The following FSCN1 variants were observed in gnomAD, a reference collection of about 807,000 sequenced individuals.
The protein encoded by FSCN1 is fascin actin-bundling protein 1.
A neutral mutation model predicts 39.7 loss-of-function variants in FSCN1; 10 were observed. The observed-to-expected ratio is 0.25, with a 90% CI of 0.16 to 0.43. The LOEUF (loss-of-function observed/expected upper bound fraction) is 0.43, where lower values mean the gene tolerates loss of function less well. Ranked by LOEUF, FSCN1 falls within the 20% of genes least tolerant of loss-of-function variation. FSCN1 has a pLI of 1.00. For synonymous variants in FSCN1, 322 were observed against 320.0 expected (o/e 1.01, Z -0.07); for missense variants, 525 against 723.8 (o/e 0.73, Z 3.15).
Position 5,605,651 on chromosome 7 carries a change from C to T in FSCN1, c.*177C>T. The stretch of plus-strand genomic sequence containing the variant: ...TCGCCCCTATGGACTCCCCACTCTC[C>T]CCTCCGCCCGGGTTCCCTACTCCCC... On this transcript the variant is annotated 3_prime_UTR_variant, in exon 5 of 5. Coordinates refer to ENST00000382361, the MANE Select transcript of FSCN1 (RefSeq NM_003088.4). The surrounding 1 kb of genome is among the most constrained non-coding windows in gnomAD (Gnocchi z 6.9). 1.7e-6 allele frequency: 1 copy of T among 593,366 alleles called. No homozygotes were observed. The allele number at this position is 593,366 out of a possible 1,614,324, so 36.8% of individuals were successfully genotyped here. A position where few individuals can be genotyped will look rare whatever the true frequency, so the allele number is the denominator to read the frequency against.
intron 1 of FSCN1, among the ~76,000 whole-genome samples, chr7:5,598,319 T>C (rs2128549259): frequency 6.6e-6 from 1 of 152,274 alleles, no homozygotes; most frequent in East Asian, 1.9e-4. Context: ...GACTGAGTCG[T>C]GGTACAGATG....
Position 5,592,931 on chromosome 7 carries a change from G to A in FSCN1, c.-6G>A, listed in dbSNP as rs1279119287. On this transcript the variant is annotated 5_prime_UTR_variant, in exon 1 of 5. Transcript: ENST00000382361. The surrounding 1 kb of genome is among the most constrained non-coding windows in gnomAD (Gnocchi z 5.3). ...GCCGCGCAGCGGCCTCTCGTCTACTGCCACCATGACCGCCAACGGCACAGC... is the reference window on the plus strand; with the variant it reads ...GCCGCGCAGCGGCCTCTCGTCTACTACCACCATGACCGCCAACGGCACAGC... 5 of 1,501,544 alleles carry A rather than the reference G, an allele frequency of 3.3e-6. No homozygotes were observed. Among genetic ancestry groups the A allele is most frequent in the African/African-American group, 2.8e-5 (2 of 71,096 alleles). The allele number at this position is 1,501,544 out of a possible 1,614,324, so 93.0% of individuals were successfully genotyped here. A position where few individuals can be genotyped will look rare whatever the true frequency, so the allele number is the denominator to read the frequency against.
chr7:5,604,626 G>GTTCTAGGACCCTTGTT (rs1785899596), intron 4 of FSCN1, among the ~76,000 whole-genome samples: 1 of 151,464 alleles, frequency 6.6e-6, no homozygotes, highest in African/African-American at 2.4e-5. Flanking sequence ...GCACCACCAC[G>GTTCTAGGACCCTTGTT]CCTGGCTAAT....
In FSCN1 at chr7:5,603,490, C is replaced by A. The variant is rs1785872220; in HGVS notation, c.990-6C>A. On this transcript the variant is annotated splice_polypyrimidine_tract_variant and splice_region_variant and intron_variant, in intron 2 of 4. Coordinates refer to ENST00000382361, the MANE Select transcript of FSCN1 (RefSeq NM_003088.4). The surrounding 1 kb of genome is among the most constrained non-coding windows in gnomAD (Gnocchi z 8.5). ...CCCCGCCTGACCCTGTCCCGCCATC[C>A]CCCAGGAATGCCAGCTGCTACTTTG... The A allele has an allele frequency of 1.2e-6, 2 of 1,614,034 alleles. No homozygotes were observed. The highest frequency in any genetic ancestry group is 2.7e-5 in the African/African-American group (2 of 74,942).
Position 5,592,830 on chromosome 7 carries a change from A to AGGGTGCGTGCGGGCCGCGGC in FSCN1, c.-106_-87dup, listed in dbSNP as rs1169874786. The AGGGTGCGTGCGGGCCGCGGC allele has an allele frequency of 4.7e-6, 3 of 642,382 alleles. No homozygotes were observed. The highest frequency in any genetic ancestry group is 7.8e-6 in the Non-Finnish European group (3 of 382,444). 39.8% of individuals were successfully genotyped at this position (642,382 alleles called of 1,614,324 possible). A position where few individuals can be genotyped will look rare whatever the true frequency, so the allele number is the denominator to read the frequency against. ...AGCTGGGCTTTGTGGAGCGCTGCGG[A>AGGGTGCGTGCGGGCCGCGGC]GGGTGCGTGCGGGCCGCGGCAGCCG... On this transcript the variant is annotated 5_prime_UTR_variant, in exon 1 of 5. Transcript: ENST00000382361. The surrounding 1 kb of genome is among the most constrained non-coding windows in gnomAD (Gnocchi z 5.3).
intron 1 of FSCN1, chr7:5,594,047 C>G (rs1377461491): frequency 1.5e-5 from 5 of 329,366 alleles, no homozygotes; most frequent in East Asian, 5.3e-5. Context: ...CCCTCCTAAC[C>G]CCCCCCCCCG....
chr7:5,605,222 G>C lies in FSCN1; in HGVS notation c.1280-50G>C. On this transcript the variant is annotated intron_variant, in intron 4 of 4. Coordinates refer to ENST00000382361, the MANE Select transcript of FSCN1 (RefSeq NM_003088.4). The surrounding 1 kb of genome is among the most constrained non-coding windows in gnomAD (Gnocchi z 6.9). ...TGCCCACCCTCCGCTGCCCAGGGTA[G>C]GGGTGGGGAGCCAGGCTTTGGGCCC... 7.1e-7 allele frequency: 1 copy of C among 1,410,596 alleles called. No homozygotes were observed. Among genetic ancestry groups the C allele is most frequent in the Non-Finnish European group, 1.0e-6 (1 of 999,290 alleles). 87.4% of individuals were successfully genotyped at this position (1,410,596 alleles called of 1,614,324 possible).
chr7:5,594,045 A>ACCCCCCCCCCCCCCCCCC (rs758470979), intron 1 of FSCN1: 2 of 262,496 alleles, frequency 7.6e-6, no homozygotes, highest in Non-Finnish European at 1.3e-5. Flanking sequence ...CACCCTCCTA[A>ACCCCCCCCCCCCCCCCCC]CCCCCCCCCC....
intron 1 of FSCN1, among the ~76,000 whole-genome samples, chr7:5,598,146 G>A (rs966227361): frequency 1.3e-5 from 2 of 152,194 alleles, no homozygotes; most frequent in African/African-American, 2.4e-5. Flanking sequence ...ACATCCTGGC[G>A]GAGCGGAGAG....
chr7:5,598,059 G>A (rs1336711999), intron 1 of FSCN1, among the ~76,000 whole-genome samples: 2 of 152,216 alleles, frequency 1.3e-5, no homozygotes, highest in Non-Finnish European at 2.9e-5. Context: ...CTGGGGGGAC[G>A]ACACCCCTTT....
At chr7:5,604,147 C>G in intron 4 of FSCN1, 117 bp downstream of exon 4, 1 of 940,720 alleles carries the variant, frequency 1.1e-6, no homozygotes, top group African/African-American at 1.6e-5. Flanking sequence ...CAGGGCCATT[C>G]CAGGCCCTAA....
chr7:5,593,737 G>A lies in FSCN1; in HGVS notation c.801G>A (p.Ala267=). The A allele has an allele frequency of 1.3e-6, 2 of 1,590,250 alleles. No individual in the cohort carries two copies. The highest frequency in any genetic ancestry group is 1.3e-5 in the African/African-American group (1 of 74,638). Residue 267 remains alanine (A), a synonymous_variant, in exon 1 of 5, where the codon GCG becomes GCA. Transcript: ENST00000382361. ...GCTGCGCCCAGGTCGTGCTGCAGGCGGCCAACGAGAGGAACGTGTCCACGC... is the reference window on the plus strand; with the variant it reads ...GCTGCGCCCAGGTCGTGCTGCAGGCAGCCAACGAGAGGAACGTGTCCACGC... The part of the protein sequence containing the change: ...EQSCAQVVLQ[A]ANERNVSTRQ...
chr7:5,594,045 A>ACCC (rs758470979), intron 1 of FSCN1: 112 of 276,498 alleles, frequency 4.1e-4, no homozygotes, highest in Admixed American at 1.5e-3. Flanking sequence ...CACCCTCCTA[A>ACCC]CCCCCCCCCC....
chr7:5,600,227 C>CA, intron 1 of FSCN1, among the ~76,000 whole-genome samples: 1 of 152,034 alleles, frequency 6.6e-6, no homozygotes, highest in African/African-American at 2.4e-5. Context: ...GCCTGGCCAA[C>CA]ATAATGAAAC....
chr7:5,604,096 G>A (rs1050574685), intron 4 of FSCN1, 66 bp downstream of exon 4: 39 of 1,479,612 alleles, frequency 2.6e-5, no homozygotes, highest in East Asian at 1.1e-4. Context: ...TCAGTGCTGC[G>A]GGGAGCGCCC....
Position 5,603,508 on chromosome 7 carries a change from C to T in FSCN1, c.1002C>T (p.Cys334=). Residue 334 remains cysteine (C), a synonymous_variant, in exon 3 of 5, where the codon TGC becomes TGT. Coordinates refer to ENST00000382361, the MANE Select transcript of FSCN1 (RefSeq NM_003088.4). The surrounding 1 kb of genome is among the most constrained non-coding windows in gnomAD (Gnocchi z 8.5). ...QSTASSKNAS[C]YFDIEWRDRR... The stretch of plus-strand genomic sequence containing the variant: ...CGCCATCCCCCAGGAATGCCAGCTG[C>T]TACTTTGACATCGAGTGGCGTGACC... The T allele has an allele frequency of 6.2e-7, 1 of 1,614,164 alleles. No homozygotes were observed. Among genetic ancestry groups the T allele is most frequent in the Non-Finnish European group, 8.5e-7 (1 of 1,180,014 alleles).
Position 5,593,002 on chromosome 7 carries a change from G to A in FSCN1, c.66G>A (p.Lys22=), listed in dbSNP as rs753751009. Residue 22 remains lysine, a synonymous_variant, in exon 1 of 5, where the codon AAG becomes AAA. Transcript: ENST00000382361. ...IQFGLINCGN[K]YLTAEAFGFK... is the part of the protein sequence containing the mutation. ...TCGGCCTCATCAACTGCGGCAACAA[G>A]TACCTGACGGCCGAGGCGTTCGGGT... 8 of 1,595,920 alleles carry A rather than the reference G, an allele frequency of 5.0e-6. No individual in the cohort carries two copies. The highest frequency in any genetic ancestry group is 4.3e-6 in the Non-Finnish European group (5 of 1,171,558).
chr7:5,598,702 G>GT (rs1785773685), intron 1 of FSCN1, among the ~76,000 whole-genome samples: 1 of 152,170 alleles, frequency 6.6e-6, no homozygotes, highest in African/African-American at 2.4e-5. Flanking sequence ...GATGCCCTCT[G>GT]TTTTTTCCTG....
intron 1 of FSCN1, among the ~76,000 whole-genome samples, chr7:5,595,984 T>G (rs1584298759): frequency 2.3e-5 from 3 of 129,268 alleles, no homozygotes; most frequent in Non-Finnish European, 3.2e-5. Flanking sequence ...CCAGGAGAGG[T>G]GGTGGTGATG....
Sources: allele counts gnomAD v4.1 joint callset (sites outside exome capture counted in the v4.1 genomes callset), GRCh38; gene constraint gnomAD v4.1.1; non-coding constraint Gnocchi (gnomAD v3.1); transcripts MANE v1.5; gene names NCBI Gene and HGNC (gene_info 2026-07-23, HGNC 2026-07-21).